EYS: variants seen among roughly 807,000 people sequenced by gnomAD.
EYS encodes protein eyes shut homolog.
In EYS, 250 loss-of-function variants were observed where a neutral mutation model predicts 282.1. The ratio of observed to expected loss-of-function variants is 0.89; its 90% CI spans 0.80 to 0.98. The LOEUF (loss-of-function observed/expected upper bound fraction) is 0.98. EYS is among the 50% of genes least tolerant of loss of function. EYS has a pLI of 0.00. For missense variants in EYS, 4,016 were observed against 3,709.0 expected (o/e 1.08, Z -2.15); for synonymous variants, 1,355 against 1,282.9 (o/e 1.06, Z -1.20).
intron 2 of EYS, among the ~76,000 whole-genome samples, chr6:65,529,511 T>G (rs191700917): frequency 2.6e-3 from 395 of 152,302 alleles, no homozygotes; most frequent in Non-Finnish European, 4.0e-3. Context: ...GGAAGTTGAT[T>G]AATAAATTGC....
chr6:63,866,102 T>C lies in EYS; in HGVS notation c.7056-1744A>G, dbSNP rs1158984562. 2.0e-5 allele frequency among the ~76,000 whole-genome samples: 3 copies of C among 152,184 alleles called. No individual in the cohort carries two copies. In the East Asian group the frequency reaches 5.8e-4, roughly 29 times the overall value. On this transcript the variant is annotated intron_variant, in intron 35 of 42. Transcript: ENST00000503581. ...ATGCCCCTAAGATGGTTATAAAGTA[T>C]CCTGAGCAAGATTTTCTGTTTCCGA...
At chr6:65,063,904 C>A (rs1476770629) in intron 12 of EYS, among the ~76,000 whole-genome samples, 1 of 151,672 alleles carries the variant, frequency 6.6e-6, no homozygotes, top group Non-Finnish European at 1.5e-5. Context: ...AGTCTAAGTA[C>A]TCTGCTCTGC....
At chr6:63,936,836 C>A (rs1340038141) in intron 35 of EYS, among the ~76,000 whole-genome samples, 1 of 152,162 alleles carries the variant, frequency 6.6e-6, no homozygotes, top group Non-Finnish European at 1.5e-5. Context: ...TATCTTTCTG[C>A]GTGTCACCAG....
chr6:65,446,039 G>A (rs531113286), intron 5 of EYS, among the ~76,000 whole-genome samples: 1 of 151,502 alleles, frequency 6.6e-6, no homozygotes, highest in African/African-American at 2.4e-5. Flanking sequence ...TTAACCCAGA[G>A]GTTTTTTTAA....
At chr6:64,231,101 T>A (rs1277241237) in intron 30 of EYS, among the ~76,000 whole-genome samples, 1 of 152,096 alleles carries the variant, frequency 6.6e-6, no homozygotes, top group East Asian at 1.9e-4. Context: ...AAAAACATAG[T>A]CCTCCTTTAG....
chr6:65,592,817 C>T (rs1765276181), intron 2 of EYS, among the ~76,000 whole-genome samples: 1 of 151,976 alleles, frequency 6.6e-6, no homozygotes, highest in South Asian at 2.1e-4. Context: ...AAATCCCTTT[C>T]CTAATGTCAT....
chr6:63,798,573 C>T (rs2149675240), intron 37 of EYS, among the ~76,000 whole-genome samples: 1 of 152,290 alleles, frequency 6.6e-6, no homozygotes, highest in South Asian at 2.1e-4. Flanking sequence ...TGGCCATAGC[C>T]TGCTCTCATT....
At chr6:65,109,389 G>T (rs1484012056) in intron 12 of EYS, among the ~76,000 whole-genome samples, 2 of 151,886 alleles carry the variant, frequency 1.3e-5, no homozygotes, top group African/African-American at 2.4e-5. Flanking sequence ...TGTTTCTCTT[G>T]TTATAGTAGA....
intron 29 of EYS, among the ~76,000 whole-genome samples, chr6:64,376,124 GA>G (rs1318279899): frequency 6.6e-6 from 1 of 152,186 alleles, no homozygotes; most frequent in Non-Finnish European, 1.5e-5. Flanking sequence ...GAAGAGGACA[GA>G]AGACAAAGTG....
intron 12 of EYS, among the ~76,000 whole-genome samples, chr6:65,191,818 A>G (rs1327658831): frequency 6.6e-6 from 1 of 151,882 alleles, no homozygotes; most frequent in Admixed American, 6.6e-5. Context: ...CAGAGCTACA[A>G]AGAAAGGTTC....
chr6:65,060,000 G>A (rs1403984370), intron 12 of EYS, among the ~76,000 whole-genome samples: 2 of 151,964 alleles, frequency 1.3e-5, no homozygotes, highest in African/African-American at 4.8e-5. Flanking sequence ...ATATGTCTCT[G>A]TGTCTTCTGA....
At chr6:64,506,449 C>T (rs540609131) in intron 26 of EYS, among the ~76,000 whole-genome samples, 3 of 152,148 alleles carry the variant, frequency 2.0e-5, no homozygotes, top group African/African-American at 7.2e-5. Flanking sequence ...TGTACACTTA[C>T]GCTTTGGATG....
intron 35 of EYS, among the ~76,000 whole-genome samples, chr6:63,915,630 A>G (rs781482818): frequency 1.3e-5 from 2 of 152,228 alleles, no homozygotes; most frequent in Non-Finnish European, 2.9e-5. Context: ...TTCTGGAAAG[A>G]ATTCACCATT....
chr6:65,496,309 G>A (rs1766256040), intron 2 of EYS, among the ~76,000 whole-genome samples: 1 of 152,060 alleles, frequency 6.6e-6, no homozygotes, highest in African/African-American at 2.4e-5. Context: ...GGAGGGGTCA[G>A]CCCATCAATT....
At chr6:65,189,960 G>A (rs532114371) in intron 12 of EYS, among the ~76,000 whole-genome samples, 237 of 151,790 alleles carry the variant, frequency 1.6e-3, no homozygotes, top group Non-Finnish European at 2.9e-3. Context: ...TGCTTCTTCC[G>A]TTCAGGTTCC....
At chr6:65,552,163 G>A (rs4507566) in intron 2 of EYS, among the ~76,000 whole-genome samples, 82,296 of 150,392 alleles carry the variant, frequency 0.55, 22,634 homozygotes, top group East Asian at 0.71. Context: ...AAACCTCAAG[G>A]CAAAATGGAT....
At chr6:64,451,952 A>T (rs1160201247) in intron 26 of EYS, among the ~76,000 whole-genome samples, 1 of 152,204 alleles carries the variant, frequency 6.6e-6, no homozygotes, top group Non-Finnish European at 1.5e-5. Flanking sequence ...GTGGCACAAG[A>T]CAGGGATGCC....
At chr6:64,112,706 TAAAG>T (rs1773245731) in intron 31 of EYS, among the ~76,000 whole-genome samples, 1 of 150,166 alleles carries the variant, frequency 6.7e-6, no homozygotes, top group Non-Finnish European at 1.5e-5. Context: ...TTCTATGAAT[TAAAG>T]AATAAAAATT....
chr6:63,947,454 T>G (rs1765432695), intron 35 of EYS, among the ~76,000 whole-genome samples: 1 of 152,092 alleles, frequency 6.6e-6, no homozygotes, highest in African/African-American at 2.4e-5. Context: ...TAATTACTGC[T>G]ATTAGCCTAC....
Sources: gnomAD v4.1 joint callset for allele counts (sites outside exome capture counted in the v4.1 genomes callset) on GRCh38, gnomAD v4.1.1 for gene constraint, MANE v1.5 for transcripts, NCBI Gene and HGNC (gene_info 2026-07-23, HGNC 2026-07-21) for gene names.